SEMA6A: variants seen among roughly 807,000 people sequenced by gnomAD.
The protein encoded by SEMA6A is semaphorin 6A.
A neutral mutation model predicts 96.8 loss-of-function variants in SEMA6A; 25 were observed. That is an observed-to-expected ratio of 0.26 (90% CI 0.19 to 0.36). SEMA6A has a LOEUF of 0.36. SEMA6A is among the 10% of genes least tolerant of loss of function. The pLI is 1.00. For synonymous variants in SEMA6A, 612 were observed against 518.0 expected, an observed-to-expected ratio of 1.18 and a Z score of -2.46; for missense variants, 1,363 against 1,323.1, an observed-to-expected ratio of 1.03 and a Z score of -0.47.
chr5:116,482,303 G>T (rs187136228), intron 11 of SEMA6A, 141 bp downstream of exon 11: 403 of 801,060 alleles, frequency 5.0e-4, no homozygotes, highest in Admixed American at 1.8e-3. Flanking sequence ...GGTAACTTTG[G>T]GTTTTGGTTA....
chr5:116,497,054 A>G (rs1757636947), intron 4 of SEMA6A, among the ~76,000 whole-genome samples: 1 of 152,256 alleles, frequency 6.6e-6, no homozygotes, highest in Admixed American at 6.5e-5. Flanking sequence ...TGGATAAATG[A>G]GGCAATATTT....
intron 7 of SEMA6A, among the ~76,000 whole-genome samples, chr5:116,491,064 C>T (rs1416928583): frequency 1.3e-5 from 2 of 152,182 alleles, no homozygotes; most frequent in Non-Finnish European, 2.9e-5. Flanking sequence ...CCTCACCCAC[C>T]ATAGTCTTTT....
At chr5:116,524,908 G>C (rs1367448831) in intron 1 of SEMA6A, among the ~76,000 whole-genome samples, 2 of 150,722 alleles carry the variant, frequency 1.3e-5, no homozygotes, top group Non-Finnish European at 3.0e-5. Context: ...TTTTCTACTA[G>C]CACAAGTATT....
chr5:116,481,108 G>A (rs911973025), intron 11 of SEMA6A, among the ~76,000 whole-genome samples: 3 of 152,142 alleles, frequency 2.0e-5, no homozygotes, highest in Admixed American at 6.6e-5. Flanking sequence ...AGCCAGCCCC[G>A]TAGAGCATCC....
intron 7 of SEMA6A, 23 bp downstream of exon 7, chr5:116,491,717 C>G: frequency 6.3e-7 from 1 of 1,595,068 alleles, no homozygotes; most frequent in South Asian, 1.1e-5. Flanking sequence ...GCAAGTGCAA[C>G]GAGGAGAAAT....
intron 1 of SEMA6A, among the ~76,000 whole-genome samples, chr5:116,519,908 T>C (rs559373927): frequency 1.3e-5 from 2 of 152,294 alleles, no homozygotes; most frequent in African/African-American, 4.8e-5. Context: ...TACTTCCACT[T>C]GGCCCTCCTT....
At chr5:116,506,907 T>G (rs1055443478) in intron 1 of SEMA6A, among the ~76,000 whole-genome samples, 2 of 152,204 alleles carry the variant, frequency 1.3e-5, no homozygotes, top group African/African-American at 4.8e-5. Context: ...CTTCAACAAC[T>G]GCATTCATCT....
At chr5:116,528,848 G>A (rs773924187) in intron 1 of SEMA6A, among the ~76,000 whole-genome samples, 36 of 152,200 alleles carry the variant, frequency 2.4e-4, no homozygotes, top group Non-Finnish European at 2.9e-4. Flanking sequence ...TTCTACCGCT[G>A]TGAATGGCTG....
chr5:116,499,566 A>C (rs1757774820), intron 3 of SEMA6A, among the ~76,000 whole-genome samples: 1 of 152,230 alleles, frequency 6.6e-6, no homozygotes. Context: ...TAAAATTAAA[A>C]GGAGAGAAGA....
At chr5:116,469,471 A>G (rs1755976827) in intron 17 of SEMA6A, 2 of 152,184 alleles carry the variant, frequency 1.3e-5, no homozygotes, top group African/African-American at 2.4e-5. Context: ...CCTGAATTCA[A>G]GACTACTTTA....
At chr5:116,501,842 G>A (rs154467) in intron 3 of SEMA6A, among the ~76,000 whole-genome samples, 102,966 of 151,986 alleles carry the variant, frequency 0.68, 35,334 homozygotes, top group East Asian at 0.9. Context: ...AGCTGAGATT[G>A]CACCACTGCA....
intron 1 of SEMA6A, among the ~76,000 whole-genome samples, chr5:116,551,145 C>A (rs1457240675): frequency 1.3e-5 from 2 of 152,002 alleles, no homozygotes; most frequent in African/African-American, 2.4e-5. Context: ...ACATACAGGT[C>A]ATGACCAAAT....
chr5:116,484,031 T>C (rs112831652), intron 10 of SEMA6A, among the ~76,000 whole-genome samples: 6,909 of 133,848 alleles, frequency 0.052, 295 homozygotes, highest in African/African-American at 0.12. Flanking sequence ...GCCACTGCAC[T>C]CCAGCCTGGG....
chr5:116,479,829 C>T (rs1048713687), intron 12 of SEMA6A, among the ~76,000 whole-genome samples: 3 of 152,152 alleles, frequency 2.0e-5, no homozygotes, highest in Non-Finnish European at 4.4e-5. Flanking sequence ...CTTCACTGCT[C>T]CTCTATTTTT....
chr5:116,500,841 A>G (rs567274805), intron 3 of SEMA6A, among the ~76,000 whole-genome samples: 1 of 152,224 alleles, frequency 6.6e-6, no homozygotes, highest in Admixed American at 6.5e-5. Context: ...CCCCATCTCT[A>G]CTAAAAATAC....
intron 1 of SEMA6A, among the ~76,000 whole-genome samples, chr5:116,518,438 C>A (rs142332892): frequency 1.9e-4 from 29 of 152,304 alleles, no homozygotes; most frequent in African/African-American, 7.0e-4. Flanking sequence ...AATCACCATT[C>A]CCATAATTAA....
rs115230818 is a variant in SEMA6A at position 116,543,647 on chromosome 5, G to A, written c.-39+30538C>T. On this transcript the variant is annotated intron_variant, in intron 1 of 18. Transcript: ENST00000343348. ...AATCTTCTCCAAAGGTTTACAATCC[G>A]ACTAGTTGCATGACCCTTCAGGGCT... 3.6e-3 allele frequency among the ~76,000 whole-genome samples: 553 copies of A among 152,264 alleles called. 4 individuals carry two copies. Among genetic ancestry groups the A allele is most frequent in the African/African-American group, 0.013 (545 of 41,560 alleles).
In SEMA6A at chr5:116,473,079, G is replaced by C. The variant is rs1428434050; in HGVS notation, c.1723C>G (p.Leu575Val). 1.3e-6 allele frequency: 2 copies of C among 1,594,970 alleles called. No individual in the cohort carries two copies. Among genetic ancestry groups the C allele is most frequent in the East Asian group, 2.3e-5 (1 of 44,262 alleles). The change falls in exon 17 of 19, where the codon CTG becomes GTG. Residue 575 changes from leucine (L) to valine (V), a missense_variant. This residue lies in a region of SEMA6A where 883 missense variants were observed against 763.6 expected (regional missense o/e 1.16). Coordinates refer to ENST00000343348, the MANE Select transcript of SEMA6A (RefSeq NM_020796.5). ...LGDCHNSFVA[L>V]NGHSSSLLPS... ...AGAGTAATATCTTCCTTACCATTCA[G>C]TGCCACAAAGGAATCTGAAAGACAA...
chr5:116,567,275 T>C (rs1428521002), intron 1 of SEMA6A, among the ~76,000 whole-genome samples: 2 of 152,106 alleles, frequency 1.3e-5, no homozygotes, highest in African/African-American at 4.8e-5. Flanking sequence ...TTAAAACCCA[T>C]GACATTATGG....
Sources: allele counts gnomAD v4.1 joint callset (sites outside exome capture counted in the v4.1 genomes callset), GRCh38; gene constraint gnomAD v4.1.1; regional missense constraint gnomAD v4.1.1; transcripts MANE v1.5; gene names NCBI Gene and HGNC (gene_info 2026-07-23, HGNC 2026-07-21).